The following INPP4B variants were observed in gnomAD, a reference collection of about 807,000 sequenced individuals.
The protein encoded by INPP4B is inositol polyphosphate 4-phosphatase type II.
A neutral mutation model predicts 122.5 loss-of-function variants in INPP4B; 55 were observed. The observed-to-expected ratio is 0.45, with a 90% CI of 0.36 to 0.56. The LOEUF is 0.56. Among genes scored for constraint, INPP4B ranks in the 20% least tolerant of loss-of-function variants. The probability of loss-of-function intolerance (pLI) is 0.00; values close to 1 mark genes in which losing one functional copy is unlikely to be tolerated. For missense variants in INPP4B, 1,000 were observed against 1,097.7 expected, an observed-to-expected ratio of 0.91 and a Z score of 1.26; for synonymous variants, 403 against 388.7, an observed-to-expected ratio of 1.04 and a Z score of -0.43.
intron 2 of INPP4B, among the ~76,000 whole-genome samples, chr4:142,469,899 A>T (rs1407402320): frequency 2.6e-5 from 4 of 152,176 alleles, no homozygotes; most frequent in Non-Finnish European, 1.5e-5. Flanking sequence ...AGTGAGCACC[A>T]CAAATTTATA....
chr4:142,790,663 C>CA lies in INPP4B; in HGVS notation c.-254+55545dup, dbSNP rs1214569605. On this transcript the variant is annotated intron_variant, in intron 1 of 25. Coordinates refer to ENST00000262992, the MANE Select transcript of INPP4B (RefSeq NM_001101669.3). ...CAAACTGAAGGAAAAAAACAAAAAACAAAAACAAAAACAAACCTTATGTAA... is the reference window on the plus strand; with the variant it reads ...CAAACTGAAGGAAAAAAACAAAAAACAAAAAACAAAAACAAACCTTATGTAA... Among the ~76,000 whole-genome samples the CA allele has an allele frequency of 6.0e-5, 9 of 151,116 alleles. No individual in the cohort carries two copies. The East Asian group carries it at 1.8e-3, about 30-fold the overall frequency.
At chr4:142,314,510 C>T (rs1312441982) in intron 8 of INPP4B, among the ~76,000 whole-genome samples, 1 of 152,074 alleles carries the variant, frequency 6.6e-6, no homozygotes, top group Non-Finnish European at 1.5e-5. Context: ...TATGAATTCA[C>T]TTGAGGATGA....
At chr4:142,379,298 C>A (rs889205385) in intron 7 of INPP4B, among the ~76,000 whole-genome samples, 5 of 152,128 alleles carry the variant, frequency 3.3e-5, no homozygotes, top group African/African-American at 7.2e-5. Flanking sequence ...GTATAGTGAG[C>A]AGCTGCAACC....
At chr4:142,618,025 A>T (rs1304499092) in intron 2 of INPP4B, among the ~76,000 whole-genome samples, 1 of 152,172 alleles carries the variant, frequency 6.6e-6, no homozygotes, top group Non-Finnish European at 1.5e-5. Context: ...ATGGTAATTC[A>T]AATCATCCTT....
chr4:142,610,210 G>T (rs1348495549), intron 2 of INPP4B, among the ~76,000 whole-genome samples: 6 of 152,048 alleles, frequency 3.9e-5, no homozygotes, highest in African/African-American at 1.4e-4. Flanking sequence ...TTTTATTAAT[G>T]GGAGTTCTGC....
chr4:142,411,995 C>T (rs775104718), intron 5 of INPP4B, among the ~76,000 whole-genome samples: 10 of 152,138 alleles, frequency 6.6e-5, no homozygotes, highest in Non-Finnish European at 1.3e-4. Context: ...TAAGGATGTG[C>T]AAAAGACTTT....
At position 142,025,303 on chromosome 4, in the gene INPP4B, A is replaced by T. The variant is rs932742925; in HGVS notation, c.*3479T>A. 7.2e-5 allele frequency: 11 copies of T among 152,204 alleles called. No homozygotes were observed. Among genetic ancestry groups the T allele is most frequent in the African/African-American group, 2.4e-5 (1 of 41,464 alleles). 9.4% of individuals were successfully genotyped at this position (152,204 alleles called of 1,614,324 possible). On this transcript the variant is annotated 3_prime_UTR_variant, in exon 26 of 26. Coordinates refer to ENST00000262992, the MANE Select transcript of INPP4B (RefSeq NM_001101669.3). ...ATTGTATCCTGTTTTCACTGTAAAGATGTAATAGACCTAAATAGACTCAAG... is the reference window on the plus strand; with the variant it reads ...ATTGTATCCTGTTTTCACTGTAAAGTTGTAATAGACCTAAATAGACTCAAG...
At chr4:142,071,745 A>C (rs1021505963) in intron 25 of INPP4B, among the ~76,000 whole-genome samples, 1 of 152,240 alleles carries the variant, frequency 6.6e-6, no homozygotes, top group Non-Finnish European at 1.5e-5. Flanking sequence ...AATGCTTATC[A>C]TCACTGGCCA....
intron 7 of INPP4B, among the ~76,000 whole-genome samples, chr4:142,330,047 A>C (rs972520880): frequency 6.6e-6 from 1 of 152,202 alleles, no homozygotes; most frequent in African/African-American, 2.4e-5. Context: ...ATTACTAATG[A>C]AAGCTCTATG....
At chr4:142,296,192 G>A (rs1327113371) in intron 9 of INPP4B, among the ~76,000 whole-genome samples, 3 of 152,094 alleles carry the variant, frequency 2.0e-5, no homozygotes, top group South Asian at 2.1e-4. Context: ...TTTGCAATCC[G>A]ACAAATCCAA....
intron 1 of INPP4B, among the ~76,000 whole-genome samples, chr4:142,781,810 T>C (rs1774869292): frequency 6.6e-6 from 1 of 152,032 alleles, no homozygotes; most frequent in African/African-American, 2.4e-5. Flanking sequence ...GAAAGCCCCA[T>C]GGAAATGGAC....
intron 3 of INPP4B, among the ~76,000 whole-genome samples, chr4:142,458,844 T>C (rs1816085221): frequency 6.6e-6 from 1 of 152,186 alleles, no homozygotes; most frequent in African/African-American, 2.4e-5. Flanking sequence ...ATTCTGTGTA[T>C]ATCCAAGTCA....
chr4:142,105,134 G>T (rs1786365669), intron 23 of INPP4B, among the ~76,000 whole-genome samples: 1 of 152,086 alleles, frequency 6.6e-6, no homozygotes, highest in Non-Finnish European at 1.5e-5. Flanking sequence ...AGACACAGAG[G>T]CCACCCTGCC....
At chr4:142,720,801 C>A (rs866734534) in intron 2 of INPP4B, among the ~76,000 whole-genome samples, 7,681 of 22,010 alleles carry the variant, frequency 0.35, 2,053 homozygotes, top group African/African-American at 0.44. Context: ...CTCTCTCTCT[C>A]TCTCTCTCTA....
intron 3 of INPP4B, among the ~76,000 whole-genome samples, chr4:142,449,698 CAAA>C (rs761552688): frequency 1.9e-5 from 2 of 105,212 alleles, no homozygotes; most frequent in Non-Finnish European, 4.2e-5. Context: ...GACTCTGTCC[CAAA>C]AAAAAAAAAA....
intron 25 of INPP4B, among the ~76,000 whole-genome samples, chr4:142,072,309 G>A (rs1039131537): frequency 7.3e-5 from 11 of 151,208 alleles, no homozygotes; most frequent in Non-Finnish European, 1.3e-4. Flanking sequence ...ACACAGGGTG[G>A]GGAACATCAC....
intron 25 of INPP4B, among the ~76,000 whole-genome samples, chr4:142,033,668 A>ATTTTT (rs5862564): frequency 0.014 from 1,841 of 129,422 alleles, 71 homozygotes; most frequent in African/African-American, 0.053. Flanking sequence ...TCTCCATTTC[A>ATTTTT]TTTTTTTTTT....
intron 25 of INPP4B, among the ~76,000 whole-genome samples, chr4:142,034,162 A>G (rs1742305354): frequency 6.6e-6 from 1 of 152,210 alleles, no homozygotes; most frequent in Non-Finnish European, 1.5e-5. Context: ...TATATCAACT[A>G]TAACCTATCT....
chr4:142,447,173 T>A (rs544904518), intron 3 of INPP4B, among the ~76,000 whole-genome samples: 6 of 152,168 alleles, frequency 3.9e-5, no homozygotes, highest in African/African-American at 1.4e-4. Context: ...CAAGCAAGCA[T>A]GTGTCAAGGA....
Sources: allele counts gnomAD v4.1 joint callset (sites outside exome capture counted in the v4.1 genomes callset), GRCh38; gene constraint gnomAD v4.1.1; transcripts MANE v1.5; gene names NCBI Gene and HGNC (gene_info 2026-07-23, HGNC 2026-07-21).